The following MTA3 variants were observed in gnomAD, a reference collection of about 807,000 sequenced individuals.
MTA3 encodes the protein metastasis-associated protein MTA3.
Under a neutral mutation model 83.5 loss-of-function variants are expected in MTA3, and 34 were observed. That is an observed-to-expected ratio of 0.41 (90% CI 0.31 to 0.54). The LOEUF is 0.54. MTA3 is among the 20% of genes least tolerant of loss of function. MTA3 has a pLI of 0.33. For synonymous variants in MTA3, 303 were observed against 252.7 expected (o/e 1.20, Z -1.89); for missense variants, 761 against 726.4 (o/e 1.05, Z -0.55).
intron 8 of MTA3, among the ~76,000 whole-genome samples, chr2:42,674,382 C>G (rs1482991072): frequency 5.3e-5 from 8 of 152,200 alleles, no homozygotes; most frequent in Non-Finnish European, 1.2e-4. Context: ...TAAAATACTT[C>G]TTTTTGTCAT....
At chr2:42,753,331 T>C (rs1182422882) in intron 16 of MTA3, 43 bp from the exon 17 acceptor site, 1 of 1,550,110 alleles carries the variant, frequency 6.5e-7, no homozygotes, top group Non-Finnish European at 8.7e-7. Context: ...GCCTCCACCA[T>C]CGGGACTTGT....
At chr2:42,504,271 G>T (rs952870786) in intron 2 of MTA3, among the ~76,000 whole-genome samples, 1 of 149,326 alleles carries the variant, frequency 6.7e-6, no homozygotes, top group Non-Finnish European at 1.5e-5. Context: ...AAAAGACTTC[G>T]CTCTGTCATC....
chr2:42,659,962 C>G (rs571273346), intron 8 of MTA3, 100 bp downstream of exon 8: 36 of 745,198 alleles, frequency 4.8e-5, no homozygotes, highest in Non-Finnish European at 6.8e-5. Flanking sequence ...CTTTTGGGCT[C>G]TTAGCCTTCC....
At chr2:42,497,313 G>A (rs546652839) in intron 2 of MTA3, among the ~76,000 whole-genome samples, 24 of 152,104 alleles carry the variant, frequency 1.6e-4, no homozygotes, top group East Asian at 3.9e-4. Flanking sequence ...TTGGCCAGGC[G>A]CGGTGGCTCA....
chr2:42,661,405 A>T (rs1689695608), intron 8 of MTA3, among the ~76,000 whole-genome samples: 1 of 146,322 alleles, frequency 6.8e-6, no homozygotes, highest in Non-Finnish European at 1.5e-5. Flanking sequence ...GGAGGCTGAG[A>T]TGGGGAGATT....
intron 3 of MTA3, among the ~76,000 whole-genome samples, chr2:42,582,781 CATA>C (rs1679819658): frequency 6.6e-6 from 1 of 152,134 alleles, no homozygotes; most frequent in South Asian, 2.1e-4. Flanking sequence ...TTAATTTATT[CATA>C]ATTGATTAGC....
intron 8 of MTA3, among the ~76,000 whole-genome samples, chr2:42,679,398 A>G (rs1691667148): frequency 6.6e-6 from 1 of 152,212 alleles, no homozygotes; most frequent in Non-Finnish European, 1.5e-5. Flanking sequence ...GCTATCATTA[A>G]GCAAATTGAA....
Position 42,754,715 on chromosome 2 carries a change from C to T in MTA3, c.*1316C>T, listed in dbSNP as rs1295314515. ...GGGTTACTAGGAGGCAGCTGGATGGCAGATACGAGAGGCCCAAATAGCCAA... is the reference window on the plus strand; with the variant it reads ...GGGTTACTAGGAGGCAGCTGGATGGTAGATACGAGAGGCCCAAATAGCCAA... On this transcript the variant is annotated 3_prime_UTR_variant, in exon 17 of 17. Coordinates refer to ENST00000405094, the MANE Select transcript of MTA3 (RefSeq NM_001330442.2). 2 of 985,388 alleles carry T rather than the reference C, an allele frequency of 2.0e-6. No individual in the cohort carries two copies. Among genetic ancestry groups the T allele is most frequent in the Non-Finnish European group, 2.4e-6 (2 of 829,978 alleles). 61.0% of individuals were successfully genotyped at this position (985,388 alleles called of 1,614,324 possible). A position where few individuals can be genotyped will look rare whatever the true frequency, so the allele number is the denominator to read the frequency against.
chr2:42,682,198 C>T (rs972883521), intron 8 of MTA3, among the ~76,000 whole-genome samples: 2 of 151,868 alleles, frequency 1.3e-5, no homozygotes, highest in African/African-American at 4.8e-5. Context: ...TCCCCTCCCC[C>T]CAAATAAGGG....
chr2:42,547,454 A>G (rs1211608703), intron 2 of MTA3, among the ~76,000 whole-genome samples: 1 of 152,204 alleles, frequency 6.6e-6, no homozygotes, highest in Non-Finnish European at 1.5e-5. Context: ...CAGCCTCGTA[A>G]GTAGTAGCTG....
At chr2:42,711,676 C>A (rs1474816124) in intron 14 of MTA3, among the ~76,000 whole-genome samples, 2 of 152,012 alleles carry the variant, frequency 1.3e-5, no homozygotes, top group Non-Finnish European at 2.9e-5. Flanking sequence ...ACAACCTCTT[C>A]AGCAGATGTC....
chr2:42,594,279 T>A (rs1248996265), intron 3 of MTA3, among the ~76,000 whole-genome samples: 2 of 131,102 alleles, frequency 1.5e-5, no homozygotes, highest in Non-Finnish European at 3.1e-5. Flanking sequence ...AGACAGTCCC[T>A]AGGCTGGAGT....
chr2:42,722,593 C>T (rs1463843170), intron 15 of MTA3, among the ~76,000 whole-genome samples: 1 of 152,118 alleles, frequency 6.6e-6, no homozygotes, highest in African/African-American at 2.4e-5. Context: ...GCCTTATTCC[C>T]TTAGTAAATC....
intron 4 of MTA3, among the ~76,000 whole-genome samples, chr2:42,621,685 C>T (rs1357211079): frequency 1.0e-5 from 1 of 97,040 alleles, no homozygotes; most frequent in Non-Finnish European, 2.0e-5. Flanking sequence ...AGAGGGGCTC[C>T]TCACTTCCCA....
intron 12 of MTA3, 69 bp downstream of exon 12, chr2:42,704,387 G>A: frequency 6.3e-7 from 1 of 1,594,000 alleles, no homozygotes; most frequent in East Asian, 2.3e-5. Flanking sequence ...GAGCGTCTGG[G>A]AAGTGCCTGA....
intron 16 of MTA3, among the ~76,000 whole-genome samples, chr2:42,729,605 T>A (rs1573786048): frequency 6.6e-6 from 1 of 152,316 alleles, no homozygotes; most frequent in East Asian, 1.9e-4. Context: ...ATACTGTAGA[T>A]GTATAGATTT....
At chr2:42,663,128 C>A (rs546267925) in intron 8 of MTA3, among the ~76,000 whole-genome samples, 1 of 152,298 alleles carries the variant, frequency 6.6e-6, no homozygotes, top group African/African-American at 2.4e-5. Context: ...TAACCAGTCC[C>A]TTGTAGTTTA....
intron 3 of MTA3, among the ~76,000 whole-genome samples, chr2:42,601,338 ATTAT>A (rs1480778940): frequency 1.3e-5 from 2 of 152,224 alleles, no homozygotes; most frequent in African/African-American, 4.8e-5. Flanking sequence ...CTGGGGCTTA[ATTAT>A]TCCCTCTTAC....
chr2:42,554,362 T>C (rs1677279552), intron 2 of MTA3, among the ~76,000 whole-genome samples: 1 of 152,352 alleles, frequency 6.6e-6, no homozygotes, highest in Middle Eastern at 3.4e-3. Flanking sequence ...TGGTGCTCGA[T>C]GTAAGAATCA....
Sources: allele counts gnomAD v4.1 joint callset (sites outside exome capture counted in the v4.1 genomes callset), GRCh38; gene constraint gnomAD v4.1.1; transcripts MANE v1.5; gene names NCBI Gene and HGNC (gene_info 2026-07-23, HGNC 2026-07-21).